The following PSD3 variants were observed in gnomAD, a reference collection of about 807,000 sequenced individuals.
The protein encoded by PSD3 is pleckstrin and Sec7 domain containing 3.
PSD3 carries 49 observed loss-of-function variants against 105.5 expected under a neutral mutation model. The ratio of observed to expected loss-of-function variants is 0.46; its 90% CI spans 0.37 to 0.59. PSD3 has a LOEUF of 0.59. PSD3 is among the 20% of genes least tolerant of loss of function. The pLI, the probability that PSD3 is intolerant of heterozygous loss-of-function variation, is 0.00. For missense variants in PSD3, 1,561 were observed against 1,263.8 expected (o/e 1.24, Z -3.57); for synonymous variants, 557 against 457.8 (o/e 1.22, Z -2.77).
chr8:18,784,235 A>G (rs559965209), intron 8 of PSD3, among the ~76,000 whole-genome samples: 20 of 152,268 alleles, frequency 1.3e-4, no homozygotes, highest in African/African-American at 4.1e-4. Flanking sequence ...GGTGATTCTA[A>G]GCATTATTTA....
chr8:18,784,739 G>C (rs879108144), intron 8 of PSD3, among the ~76,000 whole-genome samples: 1 of 152,122 alleles, frequency 6.6e-6, no homozygotes, highest in Admixed American at 6.5e-5. Flanking sequence ...GTCTGAAAAG[G>C]TCCTAAGTGT....
chr8:18,680,123 A>G (rs995035598), intron 9 of PSD3, among the ~76,000 whole-genome samples: 1 of 152,230 alleles, frequency 6.6e-6, no homozygotes, highest in Non-Finnish European at 1.5e-5. Context: ...GTTTTAAACC[A>G]TAAGTTAAAA....
intron 13 of PSD3, among the ~76,000 whole-genome samples, chr8:18,573,001 C>A (rs375823153): frequency 1.3e-5 from 2 of 152,160 alleles, no homozygotes; most frequent in East Asian, 3.9e-4. Flanking sequence ...ATTTACTCAT[C>A]TCTTCTAATT....
At chr8:18,696,864 C>G (rs1212713969) in intron 9 of PSD3, among the ~76,000 whole-genome samples, 1 of 152,072 alleles carries the variant, frequency 6.6e-6, no homozygotes, top group East Asian at 1.9e-4. Context: ...TTCTAGTAAC[C>G]TCATTAAAAT....
intron 9 of PSD3, among the ~76,000 whole-genome samples, chr8:18,751,940 C>T (rs1404320727): frequency 1.4e-5 from 2 of 147,416 alleles, no homozygotes; most frequent in African/African-American, 2.6e-5. Context: ...TTTGGGAGGC[C>T]GAGGTGGGTG....
upstream of PSD3, chr8:19,013,763 G>GCCGC (rs931326978): frequency 3.7e-5 from 11 of 297,698 alleles, no homozygotes; most frequent in Middle Eastern, 2.5e-3. Context: ...GCCCGCGGCA[G>GCCGC]CCGCCCGCCC....
At chr8:19,077,642 C>T (rs969211340) in intron 1 of PSD3, among the ~76,000 whole-genome samples, 1 of 152,176 alleles carries the variant, frequency 6.6e-6, no homozygotes, top group African/African-American at 2.4e-5. Context: ...TCAGAGCTCT[C>T]TCAAACTTTA....
chr8:18,827,151 T>TA (rs750385160), intron 4 of PSD3, among the ~76,000 whole-genome samples: 3 of 152,310 alleles, frequency 2.0e-5, no homozygotes, highest in Non-Finnish European at 2.9e-5. Flanking sequence ...CAGCTCCCTA[T>TA]ACCCAGAACT....
chr8:19,050,773 A>G (rs533210594), intron 1 of PSD3, among the ~76,000 whole-genome samples: 1 of 152,196 alleles, frequency 6.6e-6, no homozygotes, highest in African/African-American at 2.4e-5. Context: ...CCAGCATGGC[A>G]CATGTATACA....
rs961622721 is a variant in PSD3, at chr8:18,561,050, A to G, written c.2785-4698T>C. ...AAGAAGGCTCCTCAAAAAACTAAAA[A>G]TGGAATTACCAAATAATCTAGCAAT... is the stretch of plus-strand genomic sequence containing the variant. On this transcript the variant is annotated intron_variant, in intron 14 of 15. Coordinates refer to ENST00000327040, the MANE Select transcript of PSD3 (RefSeq NM_015310.4). Among the ~76,000 whole-genome samples the G allele has an allele frequency of 2.0e-5, 3 of 152,236 alleles. No homozygotes were observed. The South Asian group carries it at 6.2e-4, about 32-fold the overall frequency.
exon 1 of PSD3, chr8:19,084,564 G>A (rs545285098): frequency 2.7e-6 from 1 of 375,724 alleles, no homozygotes; most frequent in East Asian, 7.3e-5. Flanking sequence ...CCATGCCAGG[G>A]GCTGTAGCCA....
At chr8:18,975,614 C>T (rs1190194148) in intron 1 of PSD3, among the ~76,000 whole-genome samples, 1 of 152,166 alleles carries the variant, frequency 6.6e-6, no homozygotes, top group Non-Finnish European at 1.5e-5. Flanking sequence ...AATAAACATT[C>T]ATTCCTTTCC....
At chr8:18,773,781 A>T (rs1242464030) in intron 8 of PSD3, among the ~76,000 whole-genome samples, 1 of 152,186 alleles carries the variant, frequency 6.6e-6, no homozygotes, top group African/African-American at 2.4e-5. Flanking sequence ...ATTTCTTTAC[A>T]TACATATACA....
intron 8 of PSD3, chr8:18,786,939 T>C (rs1025260915): frequency 4.9e-4 from 74 of 152,350 alleles, no homozygotes; most frequent in African/African-American, 1.7e-3. Context: ...CAGGCGTTTA[T>C]ACCATTTCCA....
chr8:18,904,988 T>A (rs1251981241), intron 2 of PSD3, among the ~76,000 whole-genome samples: 3 of 152,236 alleles, frequency 2.0e-5, no homozygotes, highest in African/African-American at 7.2e-5. Context: ...TTGCTGGCAC[T>A]GTGTATTAGG....
At chr8:18,713,937 T>C (rs1030894180) in intron 9 of PSD3, among the ~76,000 whole-genome samples, 2 of 152,034 alleles carry the variant, frequency 1.3e-5, no homozygotes, top group South Asian at 4.1e-4. Flanking sequence ...AACAGACACA[T>C]AGACCAATGG....
intron 9 of PSD3, among the ~76,000 whole-genome samples, chr8:18,705,113 A>G (rs1801810317): frequency 1.3e-5 from 2 of 152,236 alleles, no homozygotes; most frequent in Non-Finnish European, 2.9e-5. Flanking sequence ...TAATACAAAT[A>G]AAAAGCACAA....
chr8:18,627,885 T>G (rs13260536), intron 11 of PSD3, among the ~76,000 whole-genome samples: 61,427 of 150,448 alleles, frequency 0.41, 13,088 homozygotes, highest in Middle Eastern at 0.53. Flanking sequence ...GAAAGGAAGG[T>G]TATCAAAGAG....
intron 9 of PSD3, among the ~76,000 whole-genome samples, chr8:18,704,921 A>C (rs745913746): frequency 2.6e-5 from 4 of 152,190 alleles, no homozygotes; most frequent in Non-Finnish European, 5.9e-5. Context: ...TCAATTTAAA[A>C]ATTGGAAAAA....
Sources: gnomAD v4.1 joint callset for allele counts (sites outside exome capture counted in the v4.1 genomes callset) on GRCh38, gnomAD v4.1.1 for gene constraint, MANE v1.5 for transcripts, NCBI Gene and HGNC (gene_info 2026-07-23, HGNC 2026-07-21) for gene names.